LINGO2: variants seen among roughly 807,000 people sequenced by gnomAD.
The protein encoded by LINGO2 is leucine rich repeat and Ig domain containing 2.
Under a neutral mutation model 30.6 loss-of-function variants are expected in LINGO2, and 14 were observed. That is an observed-to-expected ratio of 0.46 (90% CI 0.30 to 0.72). The LOEUF (loss-of-function observed/expected upper bound fraction) is 0.72. LINGO2 is among the 30% of genes least tolerant of loss of function. LINGO2 has a pLI of 0.07. For missense variants in LINGO2, 729 were observed against 751.7 expected, an observed-to-expected ratio of 0.97 and a Z score of 0.35; for synonymous variants, 317 against 288.5, an observed-to-expected ratio of 1.10 and a Z score of -1.00.
the LINGO2 span, among the ~76,000 whole-genome samples, chr9:28,909,156 C>A: frequency 6.6e-6 from 1 of 151,912 alleles, no homozygotes; most frequent in South Asian, 2.1e-4. Flanking sequence ...ATGCAACTCT[C>A]TTCTGTCTGA....
intron 3 of LINGO2, among the ~76,000 whole-genome samples, chr9:28,371,215 T>G (rs559485114): frequency 2.0e-4 from 30 of 152,340 alleles, no homozygotes; most frequent in Admixed American, 1.8e-3. Flanking sequence ...TGGAGTACAG[T>G]GTGGAGATGA....
the LINGO2 span, among the ~76,000 whole-genome samples, chr9:29,113,397 G>A: frequency 2.6e-5 from 4 of 152,146 alleles, no homozygotes; most frequent in Non-Finnish European, 4.4e-5. Flanking sequence ...ATAGATAACT[G>A]ATTTTAAGAA....
rs549256396 is a variant in LINGO2 at position 28,615,851 on chromosome 9, T to A, written c.-365+54349A>T. Among the ~76,000 whole-genome samples the A allele has an allele frequency of 9.2e-5, 14 of 152,238 alleles. No homozygotes were observed. The South Asian group carries it at 2.7e-3, about 29-fold the overall frequency. On this transcript the variant is annotated intron_variant, in intron 1 of 5. Coordinates refer to ENST00000379992, the Ensembl canonical transcript of LINGO2. ...TTAAGATGAAAATAGAAATCTATTA[T>A]GTCATTAAACAGCATTGATGGATCT...
chr9:28,001,156 G>T (rs539858354), intron 5 of LINGO2, among the ~76,000 whole-genome samples: 3 of 151,982 alleles, frequency 2.0e-5, no homozygotes, highest in African/African-American at 4.8e-5. Context: ...TTTAACTATA[G>T]AATCCTTTCT....
intron 4 of LINGO2, among the ~76,000 whole-genome samples, chr9:28,273,113 T>C (rs12379605): frequency 0.23 from 35,301 of 152,190 alleles, 4,612 homozygotes; most frequent in Non-Finnish European, 0.31. Flanking sequence ...ATCTGTGGGC[T>C]GATTTGTTTT....
At chr9:28,526,026 A>T (rs1439648809) in intron 1 of LINGO2, among the ~76,000 whole-genome samples, 1 of 135,596 alleles carries the variant, frequency 7.4e-6, no homozygotes. Context: ...ACTGCACTCC[A>T]GCCTGGGTGA....
At chr9:28,921,252 C>T in the LINGO2 span, among the ~76,000 whole-genome samples, 2 of 152,064 alleles carry the variant, frequency 1.3e-5, no homozygotes, top group Non-Finnish European at 2.9e-5. Flanking sequence ...ACTGACTATC[C>T]AGAATCTATT....
chr9:28,850,051 A>G, the LINGO2 span, among the ~76,000 whole-genome samples: 1 of 151,978 alleles, frequency 6.6e-6, no homozygotes. Context: ...TACCCACTTT[A>G]GTTCTACGGT....
At chr9:28,976,039 T>C in the LINGO2 span, among the ~76,000 whole-genome samples, 2 of 152,150 alleles carry the variant, frequency 1.3e-5, no homozygotes, top group East Asian at 3.8e-4. Flanking sequence ...CTTAGAATTG[T>C]TGTCAAACAA....
intron 1 of LINGO2, among the ~76,000 whole-genome samples, chr9:28,491,496 A>AT (rs1479885529): frequency 6.6e-6 from 1 of 152,192 alleles, no homozygotes; most frequent in Non-Finnish European, 1.5e-5. Context: ...AGGATACAGC[A>AT]TTTTTGGGTC....
chr9:28,599,545 A>G (rs1029259190), intron 1 of LINGO2, among the ~76,000 whole-genome samples: 4 of 152,084 alleles, frequency 2.6e-5, no homozygotes, highest in Non-Finnish European at 5.9e-5. Context: ...CTTTTTTTTA[A>G]TATTTAAAAT....
chr9:28,221,172 G>A (rs1192012940), intron 4 of LINGO2, among the ~76,000 whole-genome samples: 4 of 151,708 alleles, frequency 2.6e-5, no homozygotes, highest in African/African-American at 9.7e-5. Flanking sequence ...GGTGGCGGGC[G>A]CCTGTAAGGT....
chr9:28,323,196 A>G (rs7852892), intron 3 of LINGO2, among the ~76,000 whole-genome samples: 3,141 of 152,308 alleles, frequency 0.021, 116 homozygotes, highest in African/African-American at 0.072. Flanking sequence ...AAGGATCTTC[A>G]AAAAATTCAC....
chr9:28,945,011 A>G, the LINGO2 span, among the ~76,000 whole-genome samples: 2 of 152,158 alleles, frequency 1.3e-5, no homozygotes, highest in East Asian at 3.9e-4. Flanking sequence ...CAAAACAAAT[A>G]TAGGCTGGTT....
the LINGO2 span, among the ~76,000 whole-genome samples, chr9:29,079,592 G>C: frequency 6.6e-6 from 1 of 151,692 alleles, no homozygotes; most frequent in Non-Finnish European, 1.5e-5. Flanking sequence ...GAAGCCTATG[G>C]AAAATATTTT....
rs571044713 is a variant in LINGO2 at position 28,189,195 on chromosome 9, C to CT, written c.-87+106012dup. Among the ~76,000 whole-genome samples, 135 of 142,442 alleles carry CT rather than the reference C, an allele frequency of 9.5e-4. 1 individual carries two copies. The highest frequency in any genetic ancestry group is 3.4e-3 in the African/African-American group (129 of 37,918). 93.4% of individuals were successfully genotyped at this position (142,442 alleles called of 152,430 possible). A position where few individuals can be genotyped will look rare whatever the true frequency, so the allele number is the denominator to read the frequency against. On this transcript the variant is annotated intron_variant, in intron 4 of 5. Transcript: ENST00000379992. ...AAACAAAGATAGCCAGAGCAGTGAT[C>CT]TTTTTTTTCTACCATATTAGGAAGG... is the stretch of plus-strand genomic sequence containing the variant.
chr9:28,768,191 T>C, the LINGO2 span, among the ~76,000 whole-genome samples: 1 of 152,210 alleles, frequency 6.6e-6, no homozygotes, highest in East Asian at 1.9e-4. Flanking sequence ...TGTTTTCTCG[T>C]TGTTAGTTTA....
chr9:28,219,178 A>C (rs1230755032), intron 4 of LINGO2, among the ~76,000 whole-genome samples: 2 of 152,132 alleles, frequency 1.3e-5, no homozygotes, highest in African/African-American at 4.8e-5. Context: ...TCTAAATTCA[A>C]CTGAAGTTAA....
At chr9:29,005,837 G>A in the LINGO2 span, among the ~76,000 whole-genome samples, 11 of 152,104 alleles carry the variant, frequency 7.2e-5, no homozygotes, top group African/African-American at 2.2e-4. Context: ...AGGGTCAACT[G>A]TAGGTGTTAT....
Sources: gnomAD v4.1 joint callset for allele counts (sites outside exome capture counted in the v4.1 genomes callset) on GRCh38, gnomAD v4.1.1 for gene constraint, MANE v1.5 for transcripts, NCBI Gene and HGNC (gene_info 2026-07-23, HGNC 2026-07-21) for gene names.